Variants in BSCL2 observed in about 807,000 individuals in gnomAD.
BSCL2 encodes the protein seipin.
A neutral mutation model predicts 57.4 loss-of-function variants in BSCL2; 41 were observed. The observed-to-expected ratio is 0.71, with a 90% CI of 0.56 to 0.93. The LOEUF (loss-of-function observed/expected upper bound fraction) is 0.93, where lower values mean the gene tolerates loss of function less well. Among genes scored for constraint, BSCL2 ranks in the 40% least tolerant of loss-of-function variants. BSCL2 has a pLI of 0.00. For synonymous variants in BSCL2, 237 were observed against 227.3 expected (o/e 1.04, Z -0.38); for missense variants, 539 against 586.7 (o/e 0.92, Z 0.84).
At position 62,703,439 on chromosome 11, in the gene BSCL2, C is replaced by T. The variant is rs576222457; in HGVS notation, c.405-890G>A. On this transcript the variant is annotated intron_variant, in intron 2 of 10. Coordinates refer to ENST00000360796, the MANE Select transcript of BSCL2 (RefSeq NM_001122955.4). ...CGATCTCGGCTCACTGCAAGCTCCG[C>T]TTCCCAGGTTCACGCCATTTCTCCT... is the stretch of plus-strand genomic sequence containing the variant. Among the ~76,000 whole-genome samples the T allele has an allele frequency of 2.3e-3, 332 of 146,018 alleles. 2 individuals are homozygous for T. The highest frequency in any genetic ancestry group is 0.022 in the Middle Eastern group (6 of 278).
chr11:62,708,244 A>AG, upstream of BSCL2: 5 of 1,174,102 alleles, frequency 4.3e-6, no homozygotes, highest in South Asian at 2.4e-5. Context: ...GTGAGCATGG[A>AG]GGGGGGCCTC....
In BSCL2 at chr11:62,706,401, G is replaced by C. The variant is rs1035925033; in HGVS notation, c.87+708C>G. 3.3e-5 allele frequency: 24 copies of C among 734,498 alleles called. No individual in the cohort carries two copies. The Admixed American group carries it at 9.6e-4, about 29-fold the overall frequency. The allele number at this position is 734,498 out of a possible 1,614,324, so 45.5% of individuals were successfully genotyped here. ...GGGTCCAGCACGGCGGGGCGGGGCG[G>C]GACGGGGCGGAGCCTTCCCGAGCTG... On this transcript the variant is annotated intron_variant, in intron 1 of 10. Transcript: ENST00000360796.
chr11:62,708,891 C>T, upstream of BSCL2: 2 of 1,008,644 alleles, frequency 2.0e-6, no homozygotes, highest in Admixed American at 1.9e-5. Context: ...GCCCCTTAGG[C>T]TCCTTGCATC....
upstream of BSCL2, chr11:62,708,200 G>T (rs2083574861): frequency 1.2e-6 from 1 of 822,970 alleles, no homozygotes; most frequent in Non-Finnish European, 2.2e-6. Context: ...AAAATATTGG[G>T]GTATGACCAC....
At chr11:62,702,943 G>C (rs1377567957) in intron 2 of BSCL2, among the ~76,000 whole-genome samples, 1 of 152,056 alleles carries the variant, frequency 6.6e-6, no homozygotes. Flanking sequence ...CTGAGGTCAG[G>C]AGTTTAAGAC....
In BSCL2 at chr11:62,690,665, G is replaced by A; in HGVS notation, c.1181C>T (p.Pro394Leu). 1 of 1,613,874 alleles carries A rather than the reference G, an allele frequency of 6.2e-7. No individual in the cohort carries two copies. The highest frequency in any genetic ancestry group is 8.5e-7 in the Non-Finnish European group (1 of 1,180,006). The change falls in exon 10 of 11, where the codon CCA becomes CTA. Residue 394 changes from proline to leucine, a missense_variant. Physicochemically the swap from Pro to Leu is moderately conservative, Grantham distance 98 (BLOSUM62 -3). Transcript: ENST00000360796. Reference protein sequence around the residue: ...TEGQLSEEEKPDQQPLSGEEE... With the variant: ...TEGQLSEEEKLDQQPLSGEEE... Reference sequence around the variant, plus strand: ...TTCTCCGCTCAGGGGCTGCTGATCTGGTTTCTCCTCCTCGGACAGCTGACC... The same window carrying A: ...TTCTCCGCTCAGGGGCTGCTGATCTAGTTTCTCCTCCTCGGACAGCTGACC...
In BSCL2 at chr11:62,702,527, T is replaced by A. The variant is rs1186442562; in HGVS notation, c.427A>T (p.Thr143Ser). 4 of 1,612,534 alleles carry A rather than the reference T, an allele frequency of 2.5e-6. No homozygotes were observed. Among genetic ancestry groups the A allele is most frequent in the Non-Finnish European group, 3.4e-6 (4 of 1,178,944 alleles). ...YYRTDCDSSTTSLCSFPVANV... is the reference protein window; with the variant it reads ...YYRTDCDSSTSSLCSFPVANV... ...GCAACAGGGAAGGAGCAGAGTGAGG[T>A]GGTGGAGGAATCACAGTCGGTCCTA... Residue 143 changes from threonine (T) to serine (S), a missense_variant, in exon 3 of 11, where the codon ACC becomes TCC. By Grantham distance (58) the Thr-to-Ser change is moderately conservative (BLOSUM62 1). This residue lies in a region of BSCL2 where 218 missense variants were observed against 224.8 expected (regional missense o/e 0.97). Coordinates refer to ENST00000360796, the MANE Select transcript of BSCL2 (RefSeq NM_001122955.4).
intron 2 of BSCL2, 124 bp downstream of exon 2, chr11:62,705,177 G>A (rs1040820144): frequency 6.4e-5 from 68 of 1,067,418 alleles, no homozygotes; most frequent in Admixed American, 2.1e-5. Context: ...AAAGTTGAGA[G>A]GCCCTGGAAG....
At chr11:62,709,228 G>C (rs1427480093), upstream of BSCL2, 9 of 455,244 alleles carry the variant, frequency 2.0e-5, no homozygotes, top group South Asian at 1.1e-4. Context: ...AGAATTCTTG[G>C]GGGGAGAGGA....
At chr11:62,706,279 G>A (rs117597269) in intron 1 of BSCL2, 10 of 1,113,840 alleles carry the variant, frequency 9.0e-6, no homozygotes, top group East Asian at 9.6e-5. Context: ...CGCTGCCAGG[G>A]CAACCGTGAG....
intron 3 of BSCL2, among the ~76,000 whole-genome samples, chr11:62,695,917 G>A (rs936615898): frequency 1.4e-4 from 22 of 151,824 alleles, no homozygotes; most frequent in Non-Finnish European, 2.9e-5. Context: ...GCTCATGCCT[G>A]TAATCCCAGC....
intron 8 of BSCL2, 102 bp downstream of exon 8, chr11:62,690,973 C>G (rs990671786): frequency 1.9e-6 from 3 of 1,577,186 alleles, no homozygotes; most frequent in South Asian, 1.1e-5. Context: ...TTGTCTCAGT[C>G]GGTGATACCC....
chr11:62,690,991 C>A, intron 8 of BSCL2, 84 bp downstream of exon 8: 1 of 1,585,696 alleles, frequency 6.3e-7, no homozygotes, highest in Non-Finnish European at 8.7e-7. Flanking sequence ...CCCTAAGCCT[C>A]ATACTGGATG....
Position 62,690,639 on chromosome 11 carries a change from C to T in BSCL2, c.1207G>A (p.Glu403Lys), listed in dbSNP as rs1333743966. Reference sequence around the variant, plus strand: ...TCACTGGCCTCAGGCTCTAGCTCCTCTTCTCCGCTCAGGGGCTGCTGATCT... The same window carrying T: ...TCACTGGCCTCAGGCTCTAGCTCCTTTTCTCCGCTCAGGGGCTGCTGATCT... ...KPDQQPLSGE[E>K]ELEPEASDGS... The change falls in exon 10 of 11, where the codon GAG (glutamate) becomes AAG (lysine). Residue 403 changes from glutamate (E) to lysine (K), a missense_variant. Physicochemically the swap from Glu to Lys is moderately conservative, Grantham distance 56 (BLOSUM62 1). Coordinates refer to ENST00000360796, the MANE Select transcript of BSCL2 (RefSeq NM_001122955.4). 6.2e-7 allele frequency: 1 copy of T among 1,613,868 alleles called. No individual in the cohort carries two copies. The highest frequency in any genetic ancestry group is 1.7e-5 in the Admixed American group (1 of 60,012).
chr11:62,705,700 G>A, intron 1 of BSCL2, 83 bp from the exon 2 acceptor site: 1 of 1,303,776 alleles, frequency 7.7e-7, no homozygotes, highest in Non-Finnish European at 1.0e-6. Context: ...TGGCTTTGAG[G>A]AACGAGAGAT....
chr11:62,692,765 C>G lies in BSCL2; in HGVS notation c.663G>C (p.Gln221His). The stretch of plus-strand genomic sequence containing the variant: ...TAGAGAAGACCAGTGTGTCCAGCAT[C>G]TGGAGCAGGTCTGAGCGGTAATGCA... The part of the protein sequence containing the change: ...VMLHYRSDLL[Q>H]MLDTLVFSSL... The change falls in exon 5 of 11, where the codon CAG (glutamine) becomes CAC (histidine). Residue 221 changes from glutamine to histidine, a missense_variant. Physicochemically the swap from Gln to His is conservative, Grantham distance 24 (BLOSUM62 0). Coordinates refer to ENST00000360796, the MANE Select transcript of BSCL2 (RefSeq NM_001122955.4). The G allele has an allele frequency of 6.2e-7, 1 of 1,613,992 alleles. No homozygotes were observed. The highest frequency in any genetic ancestry group is 8.5e-7 in the Non-Finnish European group (1 of 1,180,036).
intron 3 of BSCL2, among the ~76,000 whole-genome samples, chr11:62,701,814 G>C (rs1434339551): frequency 6.9e-6 from 1 of 144,522 alleles, no homozygotes; most frequent in East Asian, 2.0e-4. Context: ...CCTGGCGACA[G>C]AGTGAGACTG....
chr11:62,705,913 C>T (rs778016661), intron 1 of BSCL2: 27 of 396,266 alleles, frequency 6.8e-5, no homozygotes, highest in East Asian at 5.8e-4. Flanking sequence ...AAAGAATAAG[C>T]ACCTTACGAT....
At chr11:62,708,714 G>A, upstream of BSCL2, 2 of 1,614,078 alleles carry the variant, frequency 1.2e-6, no homozygotes, top group Non-Finnish European at 1.7e-6. Context: ...GACTTACTGT[G>A]ATGCCCACGC....
Sources: allele counts gnomAD v4.1 joint callset (sites outside exome capture counted in the v4.1 genomes callset), GRCh38; gene constraint gnomAD v4.1.1; regional missense constraint gnomAD v4.1.1; transcripts MANE v1.5; gene names NCBI Gene and HGNC (gene_info 2026-07-23, HGNC 2026-07-21).